Variants in SDK2 observed in about 807,000 individuals in gnomAD.
SDK2 encodes sidekick cell adhesion molecule 2.
SDK2 carries 105 observed loss-of-function variants against 253.9 expected under a neutral mutation model. That is an observed-to-expected ratio of 0.41 (90% CI 0.35 to 0.49). The LOEUF is 0.49. Among genes scored for constraint, SDK2 ranks in the 20% least tolerant of loss-of-function variants. The pLI is 0.06. For synonymous variants in SDK2, 1,249 were observed against 1,234.9 expected (o/e 1.01, Z -0.24); for missense variants, 2,608 against 3,003.0 (o/e 0.87, Z 3.07).
At chr17:73,430,745 G>T in intron 11 of SDK2, 132 bp from the exon 12 acceptor site, 1 of 579,426 alleles carries the variant, frequency 1.7e-6, no homozygotes, top group Non-Finnish European at 2.8e-6. Flanking sequence ...TTTAATTCTT[G>T]GAAGCCACGT....
rs775350970 is a variant in SDK2, at chr17:73,348,669, T to G, written c.6095A>C (p.Lys2032Thr). 3.1e-6 allele frequency: 5 copies of G among 1,612,504 alleles called. No homozygotes were observed. The East Asian group carries it at 1.1e-4, about 36-fold the overall frequency. The change falls in exon 44 of 45, where the codon AAA (lysine) becomes ACA (threonine). Residue 2032 changes from lysine to threonine, a missense_variant. Around this residue, in one of 2 missense-constraint regions of SDK2, gnomAD observed 1,103 missense variants for 1,143.9 expected, o/e 0.96. Transcript: ENST00000392650. The stretch of plus-strand genomic sequence containing the variant: ...CTCTGCAGGGATGAGGTCGTTGTAT[T>G]TGGTGACATCCTCATCCGAGTAGTG... ...SLHYSDEDVTKYNDLIPAESS... is the reference protein window; with the variant it reads ...SLHYSDEDVTTYNDLIPAESS...
In SDK2 at chr17:73,368,486, G is replaced by A. The variant is rs1475216025; in HGVS notation, c.5088C>T (p.Tyr1696=). Reference sequence around the variant, plus strand: ...CGTTGAAGGCGGCCACGCTGACCATGTAGGCCGTGTAGCCAGTCAAGTTCT... The same window carrying A: ...CGTTGAAGGCGGCCACGCTGACCATATAGGCCGTGTAGCCAGTCAAGTTCT... ...KLKNLTGYTA[Y]MVSVAAFNAA... Residue 1696 remains tyrosine (Y), a synonymous_variant, in exon 37 of 45, where the codon TAC becomes TAT. Transcript: ENST00000392650. 1 of 1,610,612 alleles carries A rather than the reference G, an allele frequency of 6.2e-7. No individual in the cohort carries two copies. The highest frequency in any genetic ancestry group is 1.1e-5 in the South Asian group (1 of 90,114).
Position 73,455,818 on chromosome 17 carries a change from T to A in SDK2, c.479+88A>T. 7.1e-7 allele frequency: 1 copy of A among 1,405,054 alleles called. No individual in the cohort carries two copies. The highest frequency in any genetic ancestry group is 9.4e-7 in the Non-Finnish European group (1 of 1,059,862). 87.0% of individuals were successfully genotyped at this position (1,405,054 alleles called of 1,614,324 possible). On this transcript the variant is annotated intron_variant, in intron 4 of 44. Transcript: ENST00000392650. This position sits in a 1 kb window ranked among gnomAD's most constrained non-coding sequence, Gnocchi z 5.0. ...AGGGGCTTCTGCACAAAGGCCCTCC[T>A]CCACACTCAAGGGAGACTTTATCTG...
At chr17:73,554,578 T>C (rs1388107919) in intron 1 of SDK2, among the ~76,000 whole-genome samples, 2 of 152,146 alleles carry the variant, frequency 1.3e-5, no homozygotes. Context: ...CCATAACACC[T>C]TGGTCTTGGA....
chr17:73,587,469 C>G (rs2045617788), intron 1 of SDK2, among the ~76,000 whole-genome samples: 1 of 152,254 alleles, frequency 6.6e-6, no homozygotes, highest in South Asian at 2.1e-4. Context: ...TACTTAGCAG[C>G]TGACAGTCTC....
At chr17:73,436,045 C>T (rs1001660031) in intron 8 of SDK2, among the ~76,000 whole-genome samples, 11 of 152,104 alleles carry the variant, frequency 7.2e-5, no homozygotes, top group Non-Finnish European at 4.4e-5. Context: ...TGAGCCACTG[C>T]ACCTGGCCTA....
At position 73,338,096 on chromosome 17, in the gene SDK2, G is replaced by C. The variant is rs1463480564; in HGVS notation, c.*491C>G. 5 of 248,506 alleles carry C rather than the reference G, an allele frequency of 2.0e-5. No individual in the cohort carries two copies. The highest frequency in any genetic ancestry group is 3.2e-5 in the Non-Finnish European group (4 of 124,056). 15.4% of individuals were successfully genotyped at this position (248,506 alleles called of 1,614,324 possible). A position where few individuals can be genotyped will look rare whatever the true frequency, so the allele number is the denominator to read the frequency against. ...GTGCATGGAGGGAAGGAGGAGCAGAGAGAGAAGATAGGCGTGGCCTCCGGG... is the reference window on the plus strand; with the variant it reads ...GTGCATGGAGGGAAGGAGGAGCAGACAGAGAAGATAGGCGTGGCCTCCGGG... On this transcript the variant is annotated 3_prime_UTR_variant, in exon 45 of 45. Coordinates refer to ENST00000392650, the MANE Select transcript of SDK2 (RefSeq NM_001144952.2). The surrounding 1 kb of genome is among the most constrained non-coding windows in gnomAD (Gnocchi z 5.0).
At chr17:73,375,641 G>C (rs2062772030) in intron 36 of SDK2, among the ~76,000 whole-genome samples, 1 of 152,110 alleles carries the variant, frequency 6.6e-6, no homozygotes, top group African/African-American at 2.4e-5. Context: ...GGATCACCTG[G>C]GGTCAGGAGC....
chr17:73,624,229 C>T (rs2046172433), intron 1 of SDK2, among the ~76,000 whole-genome samples: 1 of 152,230 alleles, frequency 6.6e-6, no homozygotes, highest in Non-Finnish European at 1.5e-5. Flanking sequence ...CGTGGTAGCT[C>T]ACGCCTGTAA....
chr17:73,353,091 A>AG (rs2062553106), intron 40 of SDK2, among the ~76,000 whole-genome samples: 1 of 4,856 alleles, frequency 2.1e-4, no homozygotes, highest in Non-Finnish European at 0.031. Flanking sequence ...ACTCAGTCTC[A>AG]AAAAAAAAAG....
chr17:73,363,004 T>A (rs1378128377), intron 38 of SDK2, among the ~76,000 whole-genome samples: 2 of 152,248 alleles, frequency 1.3e-5, no homozygotes, highest in African/African-American at 4.8e-5. Flanking sequence ...GTCCACAGCA[T>A]CTTAGGCAGG....
chr17:73,557,709 T>A (rs78152105), intron 1 of SDK2, among the ~76,000 whole-genome samples: 2 of 152,142 alleles, frequency 1.3e-5, no homozygotes, highest in East Asian at 3.9e-4. Flanking sequence ...CCCTCTTTTC[T>A]TTCCTTCCTT....
At chr17:73,453,278 A>G (rs373542531) in intron 4 of SDK2, among the ~76,000 whole-genome samples, 1 of 148,704 alleles carries the variant, frequency 6.7e-6, no homozygotes, top group Non-Finnish European at 1.5e-5. Context: ...AGCCAAGACC[A>G]GAAGAACCAC....
chr17:73,608,008 A>G (rs1163722948), intron 1 of SDK2, among the ~76,000 whole-genome samples: 3 of 152,116 alleles, frequency 2.0e-5, no homozygotes, highest in Non-Finnish European at 4.4e-5. Flanking sequence ...AACCAAGGAA[A>G]GAATGTGGGT....
intron 1 of SDK2, among the ~76,000 whole-genome samples, chr17:73,637,164 A>T (rs2046342655): frequency 6.6e-6 from 1 of 152,076 alleles, no homozygotes; most frequent in Admixed American, 6.5e-5. Context: ...GCAAGGTAAA[A>T]ATGTCTTGTG....
Position 73,395,908 on chromosome 17 carries a change from C to A in SDK2, c.3355-516G>T, listed in dbSNP as rs2062967562. ...CAGCCTCTCCTGCTGCATTTTCAGC[C>A]TCCTTTTTCTTTTCTTTTTTTTTTT... On this transcript the variant is annotated intron_variant, in intron 24 of 44. Transcript: ENST00000392650. This position sits in a 1 kb window ranked among gnomAD's most constrained non-coding sequence, Gnocchi z 4.3. Among the ~76,000 whole-genome samples, 1 of 151,778 alleles carries A rather than the reference C, an allele frequency of 6.6e-6. No homozygotes were observed. Among genetic ancestry groups the A allele is most frequent in the South Asian group, 2.1e-4 (1 of 4,816 alleles).
chr17:73,643,938 C>A lies in SDK2; in HGVS notation c.64+87G>T, dbSNP rs1200053712. 2 of 1,207,978 alleles carry A rather than the reference C, an allele frequency of 1.7e-6. No individual in the cohort carries two copies. The highest frequency in any genetic ancestry group is 2.4e-6 in the Non-Finnish European group (2 of 843,430). 74.8% of individuals were successfully genotyped at this position (1,207,978 alleles called of 1,614,324 possible). A position where few individuals can be genotyped will look rare whatever the true frequency, so the allele number is the denominator to read the frequency against. On this transcript the variant is annotated intron_variant, in intron 1 of 44. Transcript: ENST00000392650. This position sits in a 1 kb window ranked among gnomAD's most constrained non-coding sequence, Gnocchi z 6.9. ...CGGCTAAGCCGGGTGTCCAGGAGGT[C>A]ACCGTGAGGCCGGCCAGCTCCCGCC... is the stretch of plus-strand genomic sequence containing the variant.
At chr17:73,402,907 C>G (rs190756924) in intron 18 of SDK2, among the ~76,000 whole-genome samples, 4 of 152,168 alleles carry the variant, frequency 2.6e-5, no homozygotes, top group African/African-American at 9.7e-5. Context: ...AAGTGATTCT[C>G]CTGTCTCAGC....
Position 73,430,605 on chromosome 17 carries a change from G to C in SDK2, c.1489C>G (p.Arg497Gly). 1 of 1,566,020 alleles carries C rather than the reference G, an allele frequency of 6.4e-7. No individual in the cohort carries two copies. The highest frequency in any genetic ancestry group is 1.2e-5 in the South Asian group (1 of 85,048). The change falls in exon 12 of 45, where the codon CGC becomes GGC. Residue 497 changes from arginine (R) to glycine (G), a missense_variant. Arg to Gly is a moderately radical substitution (Grantham distance 125). Transcript: ENST00000392650. ...TGATCCTGGGGGGGCTTGGTGATGC[G>C]GGTCCGAGCTGAAAGATACAGCGGA... ...SADLVVWARTRITKPPQDQSV... is the reference protein window; with the variant it reads ...SADLVVWARTGITKPPQDQSV...
Sources: allele counts gnomAD v4.1 joint callset (sites outside exome capture counted in the v4.1 genomes callset), GRCh38; gene constraint gnomAD v4.1.1; regional missense constraint gnomAD v4.1.1; non-coding constraint Gnocchi (gnomAD v3.1); transcripts MANE v1.5; gene names NCBI Gene and HGNC (gene_info 2026-07-23, HGNC 2026-07-21).